PTPN14: variants seen among roughly 807,000 people sequenced by gnomAD.
The protein encoded by PTPN14 is tyrosine-protein phosphatase non-receptor type 14.
A neutral mutation model predicts 126.8 loss-of-function variants in PTPN14; 53 were observed. The observed-to-expected ratio is 0.42, with a 90% confidence interval of 0.34 to 0.53. PTPN14 has a LOEUF of 0.53. Ranked by LOEUF, PTPN14 falls within the 20% of genes least tolerant of loss-of-function variation. The pLI, the probability that PTPN14 is intolerant of heterozygous loss-of-function variation, is 0.08. For missense variants in PTPN14, 1,257 were observed against 1,552.9 expected, an observed-to-expected ratio of 0.81 and a Z score of 3.20; for synonymous variants, 630 against 599.3, an observed-to-expected ratio of 1.05 and a Z score of -0.75.
At chr1:214,370,703 A>G (rs1427075949) in intron 16 of PTPN14, among the ~76,000 whole-genome samples, 3 of 152,092 alleles carry the variant, frequency 2.0e-5, no homozygotes, top group Admixed American at 6.5e-5. Flanking sequence ...CCATTTACAC[A>G]AGGTCTATGT....
At chr1:214,473,153 A>ATT (rs1553270257) in intron 1 of PTPN14, among the ~76,000 whole-genome samples, 2 of 152,172 alleles carry the variant, frequency 1.3e-5, no homozygotes, top group African/African-American at 4.8e-5. Context: ...ATTAAAAAAA[A>ATT]TTTCAAAGTT....
rs746852630 is a variant in PTPN14 at position 214,351,803 on chromosome 1, T to A, written c.*6119A>T. ...TTTCCCTAGCATGCCACTTGGTGGTTTCCATCACTCTGACATTACAGAAAG... is the reference window on the plus strand; with the variant it reads ...TTTCCCTAGCATGCCACTTGGTGGTATCCATCACTCTGACATTACAGAAAG... On this transcript the variant is annotated 3_prime_UTR_variant, in exon 19 of 19. Coordinates refer to ENST00000366956, the MANE Select transcript of PTPN14 (RefSeq NM_005401.5). 6.6e-6 allele frequency: 1 copy of A among 152,204 alleles called. No individual in the cohort carries two copies. Among genetic ancestry groups the A allele is most frequent in the Non-Finnish European group, 1.5e-5 (1 of 68,044 alleles). The allele number at this position is 152,204 out of a possible 1,614,324, so 9.4% of individuals were successfully genotyped here.
intron 1 of PTPN14, among the ~76,000 whole-genome samples, chr1:214,537,126 A>G (rs976929598): frequency 1.3e-5 from 2 of 152,238 alleles, no homozygotes; most frequent in African/African-American, 4.8e-5. Flanking sequence ...TTGAGTTAGT[A>G]AACGAAGCAC....
At chr1:214,476,492 G>A (rs147532245) in intron 1 of PTPN14, among the ~76,000 whole-genome samples, 15 of 152,162 alleles carry the variant, frequency 9.9e-5, no homozygotes, top group African/African-American at 2.9e-4. Context: ...CCTTTCCCCC[G>A]TTTCCTTCCT....
intron 3 of PTPN14, among the ~76,000 whole-genome samples, chr1:214,444,791 T>C (rs770024093): frequency 1.2e-3 from 182 of 152,286 alleles, no homozygotes; most frequent in Admixed American, 2.1e-3. Flanking sequence ...TATGAAGATA[T>C]ACAGCTTCAC....
chr1:214,448,047 T>C (rs531772789), intron 3 of PTPN14, among the ~76,000 whole-genome samples: 1 of 152,384 alleles, frequency 6.6e-6, no homozygotes, highest in Non-Finnish European at 1.5e-5. Context: ...CTTTTTACTC[T>C]ATACCTCCCT....
chr1:214,373,484 A>C (rs1009617506), intron 15 of PTPN14, among the ~76,000 whole-genome samples: 2 of 152,080 alleles, frequency 1.3e-5, no homozygotes, highest in African/African-American at 4.8e-5. Flanking sequence ...TACAGAAATA[A>C]TAGTTACTGC....
At chr1:214,378,574 A>C (rs1658400052) in intron 13 of PTPN14, among the ~76,000 whole-genome samples, 1 of 152,194 alleles carries the variant, frequency 6.6e-6, no homozygotes. Context: ...ACACACATAA[A>C]CTGTAGAGGA....
chr1:214,524,399 C>T (rs1259705460), intron 1 of PTPN14, among the ~76,000 whole-genome samples: 3 of 151,510 alleles, frequency 2.0e-5, no homozygotes, highest in Non-Finnish European at 4.4e-5. Flanking sequence ...TGCCTGTAAT[C>T]CCAGCTACTT....
intron 1 of PTPN14, among the ~76,000 whole-genome samples, chr1:214,525,468 A>T (rs1655365514): frequency 6.7e-6 from 1 of 148,988 alleles, no homozygotes; most frequent in Admixed American, 6.6e-5. Context: ...AACATGACTT[A>T]TCACAGCAAA....
intron 1 of PTPN14, among the ~76,000 whole-genome samples, chr1:214,516,314 T>C (rs950651919): frequency 6.6e-6 from 1 of 152,264 alleles, no homozygotes; most frequent in African/African-American, 2.4e-5. Flanking sequence ...GTGCCAACAA[T>C]GCAAGAGGCC....
intron 1 of PTPN14, among the ~76,000 whole-genome samples, chr1:214,550,257 T>C (rs760651124): frequency 1.3e-5 from 2 of 152,188 alleles, no homozygotes; most frequent in African/African-American, 4.8e-5. Flanking sequence ...AACTAATCCA[T>C]TTCAAGAAGT....
chr1:214,444,314 C>T (rs1420021324), intron 3 of PTPN14, among the ~76,000 whole-genome samples: 2 of 152,164 alleles, frequency 1.3e-5, no homozygotes, highest in Admixed American at 6.5e-5. Context: ...ATAAAGAGAA[C>T]AATTTCCCAT....
At chr1:214,430,283 C>A (rs1257731250) in intron 3 of PTPN14, among the ~76,000 whole-genome samples, 1 of 152,156 alleles carries the variant, frequency 6.6e-6, no homozygotes, top group Non-Finnish European at 1.5e-5. Context: ...AGGCTTATAG[C>A]CCCTGGTCCA....
At chr1:214,444,995 A>G (rs1016532164) in intron 3 of PTPN14, among the ~76,000 whole-genome samples, 1 of 152,236 alleles carries the variant, frequency 6.6e-6, no homozygotes, top group African/African-American at 2.4e-5. Context: ...GTTGGTTGAA[A>G]GACAACCTGT....
chr1:214,535,778 C>CAAAAAAA (rs10689118), intron 1 of PTPN14, among the ~76,000 whole-genome samples: 1 of 130,438 alleles, frequency 7.7e-6, no homozygotes. Flanking sequence ...GACTCCATCT[C>CAAAAAAA]AAAAAAAAAA....
At chr1:214,399,965 A>T (rs989880369) in intron 7 of PTPN14, among the ~76,000 whole-genome samples, 8 of 152,140 alleles carry the variant, frequency 5.3e-5, no homozygotes, top group Non-Finnish European at 1.2e-4. Context: ...TTTAAAAAAA[A>T]ATATATCCTG....
Position 214,384,811 on chromosome 1 carries a change from A to G in PTPN14, c.1067-23T>C. ...TGTCTACAAGAAGTCAAACAAAGGCACGTGAACCTCCAAGCCATCCTGCCA... is the reference window on the plus strand; with the variant it reads ...TGTCTACAAGAAGTCAAACAAAGGCGCGTGAACCTCCAAGCCATCCTGCCA... On this transcript the variant is annotated intron_variant, in intron 12 of 18. Coordinates refer to ENST00000366956, the MANE Select transcript of PTPN14 (RefSeq NM_005401.5). The surrounding 1 kb of genome is among the most constrained non-coding windows in gnomAD (Gnocchi z 5.3). The G allele has an allele frequency of 2.5e-6, 4 of 1,591,034 alleles. No homozygotes were observed. The highest frequency in any genetic ancestry group is 3.4e-6 in the Non-Finnish European group (4 of 1,167,932).
At chr1:214,532,633 G>T (rs924486779) in intron 1 of PTPN14, 2 of 895,196 alleles carry the variant, frequency 2.2e-6, no homozygotes, top group Non-Finnish European at 3.8e-6. Flanking sequence ...TGCCTGCATC[G>T]TTCTGCAGAC....
Sources: gnomAD v4.1 joint callset for allele counts (sites outside exome capture counted in the v4.1 genomes callset) on GRCh38, gnomAD v4.1.1 for gene constraint, Gnocchi (gnomAD v3.1) non-coding constraint, MANE v1.5 for transcripts, NCBI Gene and HGNC (gene_info 2026-07-23, HGNC 2026-07-21) for gene names.